The following GDAP2 variants were observed in gnomAD, a reference collection of about 807,000 sequenced individuals.
GDAP2 encodes ganglioside induced differentiation associated protein 2.
A neutral mutation model predicts 67.0 loss-of-function variants in GDAP2; 51 were observed. That is an observed-to-expected ratio of 0.76 (90% confidence interval 0.61 to 0.96). GDAP2 has a LOEUF of 0.96. GDAP2 is among the 40% of genes least tolerant of loss of function. The probability of loss-of-function intolerance (pLI) is 0.00; values close to 1 mark genes in which losing one functional copy is unlikely to be tolerated. For missense variants in GDAP2, 547 were observed against 588.3 expected (o/e 0.93, Z 0.73); for synonymous variants, 203 against 207.3 (o/e 0.98, Z 0.18).
intron 9 of GDAP2, among the ~76,000 whole-genome samples, chr1:117,887,352 C>A (rs1342995930): frequency 6.6e-6 from 1 of 152,106 alleles, no homozygotes; most frequent in Non-Finnish European, 1.5e-5. Flanking sequence ...AAATACAATG[C>A]AGAAAGAGTG....
intron 3 of GDAP2, 72 bp downstream of exon 3, chr1:117,918,525 T>C (rs1298800943): frequency 9.2e-7 from 1 of 1,092,428 alleles, no homozygotes; most frequent in Non-Finnish European, 1.4e-6. Context: ...CCACAAAACA[T>C]GCCTCTTTAA....
At chr1:117,908,358 G>A (rs1022605649) in intron 5 of GDAP2, among the ~76,000 whole-genome samples, 1 of 152,074 alleles carries the variant, frequency 6.6e-6, no homozygotes, top group Non-Finnish European at 1.5e-5. Context: ...TTATGGCTCA[G>A]TTACATATTG....
intron 3 of GDAP2, among the ~76,000 whole-genome samples, chr1:117,917,252 GCTTT>G (rs1382713562): frequency 1.3e-5 from 2 of 151,892 alleles, no homozygotes; most frequent in South Asian, 2.1e-4. Flanking sequence ...ACTCTTTTCA[GCTTT>G]CTATCATCTA....
intron 6 of GDAP2, among the ~76,000 whole-genome samples, chr1:117,902,218 T>C (rs1570982331): frequency 6.6e-6 from 1 of 152,248 alleles, no homozygotes; most frequent in African/African-American, 2.4e-5. Context: ...TCAGTCACCT[T>C]TGTAAATTAA....
chr1:117,918,518 C>T, intron 3 of GDAP2, 79 bp downstream of exon 3: 1 of 1,052,888 alleles, frequency 9.5e-7, no homozygotes, highest in Non-Finnish European at 1.4e-6. Flanking sequence ...AATTTTCCCA[C>T]AAAACATGCC....
chr1:117,888,899 C>G (rs1483522067), intron 8 of GDAP2, among the ~76,000 whole-genome samples: 1 of 152,102 alleles, frequency 6.6e-6, no homozygotes, highest in Non-Finnish European at 1.5e-5. Context: ...AATGGGAAGT[C>G]TGTCACATAC....
intron 8 of GDAP2, among the ~76,000 whole-genome samples, chr1:117,894,938 A>T (rs1649216851): frequency 6.6e-6 from 1 of 152,192 alleles, no homozygotes; most frequent in Admixed American, 6.5e-5. Context: ...ATACTATACA[A>T]TCGATACTAA....
intron 3 of GDAP2, among the ~76,000 whole-genome samples, chr1:117,915,508 G>C (rs1244299779): frequency 6.6e-6 from 1 of 152,150 alleles, no homozygotes; most frequent in Non-Finnish European, 1.5e-5. Context: ...AATATGGTCT[G>C]GGTAGTAGAT....
At chr1:117,903,789 T>C (rs925770818) in intron 6 of GDAP2, among the ~76,000 whole-genome samples, 3 of 152,098 alleles carry the variant, frequency 2.0e-5, no homozygotes, top group South Asian at 2.1e-4. Context: ...TTGCAGTCCA[T>C]AATAGTAAAG....
In GDAP2 at chr1:117,892,268, G is replaced by A. The variant is rs61806132; in HGVS notation, c.954-4494C>T. The stretch of plus-strand genomic sequence containing the variant: ...AAGAAAGAGTAAAAGCAAAAAGACT[G>A]TTACTCTTCTCACTCAATAGACAAT... On this transcript the variant is annotated intron_variant, in intron 8 of 13. Transcript: ENST00000369443. Among the ~76,000 whole-genome samples the A allele has an allele frequency of 5.7e-3, 863 of 152,160 alleles. 8 individuals are homozygous for A. The highest frequency in any genetic ancestry group is 8.0e-3 in the Non-Finnish European group (542 of 67,970).
intron 10 of GDAP2, 117 bp downstream of exon 10, chr1:117,886,460 C>T (rs1301746858): frequency 3.1e-6 from 2 of 647,670 alleles, no homozygotes; most frequent in African/African-American, 3.6e-5. Context: ...GTCTGCTCCT[C>T]TGTCAGTGAT....
intron 6 of GDAP2, among the ~76,000 whole-genome samples, chr1:117,903,897 T>A (rs1377669801): frequency 6.6e-6 from 1 of 152,190 alleles, no homozygotes; most frequent in Non-Finnish European, 1.5e-5. Context: ...AGATTTACTG[T>A]ATAAGGTAAA....
chr1:117,924,807 G>A (rs971241403), intron 1 of GDAP2, among the ~76,000 whole-genome samples: 2 of 152,082 alleles, frequency 1.3e-5, no homozygotes, highest in Admixed American at 1.3e-4. Flanking sequence ...CATCAAATTG[G>A]TCTTTCCACA....
intron 13 of GDAP2, chr1:117,877,212 TAG>T (rs1055187318): frequency 1.2e-6 from 1 of 805,706 alleles, no homozygotes; most frequent in Non-Finnish European, 1.5e-6. Context: ...AGAGAAATGT[TAG>T]AGAGAAATTG....
Position 117,917,145 on chromosome 1 carries a change from C to G in GDAP2, c.316+1452G>C, listed in dbSNP as rs765577548. On this transcript the variant is annotated intron_variant, in intron 3 of 13. Transcript: ENST00000369443. ...TTTCCCTATCATTTTAAACTTACTG[C>G]AAAACTTTAATATTCATCTCTGTTA... 6.6e-5 allele frequency among the ~76,000 whole-genome samples: 10 copies of G among 151,910 alleles called. No homozygotes were observed. In the East Asian group the frequency reaches 1.9e-3, roughly 29 times the overall value.
At chr1:117,886,691 A>G in intron 9 of GDAP2, 38 bp from the exon 10 acceptor site, 1 of 985,990 alleles carries the variant, frequency 1.0e-6, no homozygotes, top group South Asian at 1.3e-5. Context: ...CAGAAACTTC[A>G]TTCCAAGAAT....
At chr1:117,914,702 T>A (rs1172180020) in intron 3 of GDAP2, among the ~76,000 whole-genome samples, 1 of 151,930 alleles carries the variant, frequency 6.6e-6, no homozygotes, top group African/African-American at 2.4e-5. Flanking sequence ...ATACAAACAA[T>A]CAGGGATAAG....
rs1034574585 is a variant in GDAP2, at chr1:117,897,140, T to C, written c.797-151A>G. The C allele has an allele frequency of 6.0e-5, 32 of 534,516 alleles. No individual in the cohort carries two copies. The African/African-American group carries it at 6.2e-4, about 10-fold the overall frequency. 33.1% of individuals were successfully genotyped at this position (534,516 alleles called of 1,614,324 possible). ...ATGAAACTGTAATCAGATTTAGGCATTTGTAAAGCTGAAATAATGAAAGAA... is the reference window on the plus strand; with the variant it reads ...ATGAAACTGTAATCAGATTTAGGCACTTGTAAAGCTGAAATAATGAAAGAA... On this transcript the variant is annotated intron_variant, in intron 7 of 13. Coordinates refer to ENST00000369443, the MANE Select transcript of GDAP2 (RefSeq NM_017686.4).
intron 10 of GDAP2, 32 bp downstream of exon 10, chr1:117,886,545 T>C (rs1648860297): frequency 8.9e-7 from 1 of 1,121,654 alleles, no homozygotes; most frequent in Non-Finnish European, 1.4e-6. Context: ...CAATCAACAT[T>C]GTTTGTAAAA....
Sources: gnomAD v4.1 joint callset for allele counts (sites outside exome capture counted in the v4.1 genomes callset) on GRCh38, gnomAD v4.1.1 for gene constraint, MANE v1.5 for transcripts, NCBI Gene and HGNC (gene_info 2026-07-23, HGNC 2026-07-21) for gene names.